The following AP3D1 variants were observed in gnomAD, a reference collection of about 807,000 sequenced individuals.
AP3D1 encodes the protein AP-3 complex subunit delta-1.
Under a neutral mutation model 147.6 loss-of-function variants are expected in AP3D1, and 51 were observed. That is an observed-to-expected ratio of 0.35 (90% confidence interval 0.28 to 0.44). The LOEUF is 0.44. AP3D1 is among the 20% of genes least tolerant of loss of function. The probability of loss-of-function intolerance (pLI) is 1.00; values close to 1 mark genes in which losing one functional copy is unlikely to be tolerated. For missense variants in AP3D1, 1,421 were observed against 1,624.2 expected (o/e 0.87, Z 2.15); for synonymous variants, 760 against 663.0 (o/e 1.15, Z -2.25).
At position 2,102,055 on chromosome 19, in the gene AP3D1, G is replaced by A; in HGVS notation, c.*118C>T. ...ATGTCTACACGGCGGACAACATAGAGTTAAATTAACACTCAGGCTTGGGTA... is the reference window on the plus strand; with the variant it reads ...ATGTCTACACGGCGGACAACATAGAATTAAATTAACACTCAGGCTTGGGTA... On this transcript the variant is annotated 3_prime_UTR_variant, in exon 32 of 32. Coordinates refer to ENST00000643116, the MANE Select transcript of AP3D1 (RefSeq NM_001261826.3). The A allele has an allele frequency of 1.3e-6, 1 of 752,746 alleles. No homozygotes were observed. Among genetic ancestry groups the A allele is most frequent in the South Asian group, 1.7e-5 (1 of 60,244 alleles). 46.6% of individuals were successfully genotyped at this position (752,746 alleles called of 1,614,324 possible). A position where few individuals can be genotyped will look rare whatever the true frequency, so the allele number is the denominator to read the frequency against.
At chr19:2,129,528 C>A in intron 6 of AP3D1, 71 bp from the exon 7 acceptor site, 5 of 1,535,770 alleles carry the variant, frequency 3.3e-6, no homozygotes, top group South Asian at 1.3e-5. Context: ...GTCTTCCTGG[C>A]CCGCGAGGAA....
intron 14 of AP3D1, among the ~76,000 whole-genome samples, chr19:2,119,855 T>A (rs2018562022): frequency 6.6e-6 from 1 of 151,572 alleles, no homozygotes; most frequent in Admixed American, 6.6e-5. Flanking sequence ...AGCAGGACAA[T>A]CACTTGAACC....
At position 2,102,725 on chromosome 19, in the gene AP3D1, CAAAA is replaced by C. The variant is rs927101273; in HGVS notation, c.3553-461_3553-458del. Among the ~76,000 whole-genome samples, 293 of 114,350 alleles carry C rather than the reference CAAAA, an allele frequency of 2.6e-3. 3 individuals are homozygous for C. Among genetic ancestry groups the C allele is most frequent in the African/African-American group, 9.6e-3 (278 of 29,076 alleles). 75.0% of individuals were successfully genotyped at this position (114,350 alleles called of 152,430 possible). A position where few individuals can be genotyped will look rare whatever the true frequency, so the allele number is the denominator to read the frequency against. On this transcript the variant is annotated intron_variant, in intron 31 of 31. Coordinates refer to ENST00000643116, the MANE Select transcript of AP3D1 (RefSeq NM_001261826.3). The stretch of plus-strand genomic sequence containing the variant: ...CCTGGGCGACACAGCGAGACTGTCT[CAAAA>C]AATAAATAAATAAATAAATAAATAA...
At chr19:2,143,271 TGCTCTGTC>T (rs2019270019) in intron 1 of AP3D1, among the ~76,000 whole-genome samples, 1 of 127,878 alleles carries the variant, frequency 7.8e-6, no homozygotes, top group Non-Finnish European at 1.6e-5. Context: ...GACAGAGTCC[TGCTCTGTC>T]GCCCAGGCTG....
chr19:2,110,229 C>A lies in AP3D1; in HGVS notation c.3176-5G>T, dbSNP rs759526338. 14 of 1,610,818 alleles carry A rather than the reference C, an allele frequency of 8.7e-6. No homozygotes were observed. The highest frequency in any genetic ancestry group is 2.1e-4 in the Middle Eastern group (1 of 4,684). On this transcript the variant is annotated splice_polypyrimidine_tract_variant and splice_region_variant and intron_variant, in intron 27 of 31. Transcript: ENST00000643116. The stretch of plus-strand genomic sequence containing the variant: ...ACTGGGCTTCGTTGGAGACGCCTGG[C>A]GGGGGCGAGAGGGAGTGGGGCCTGA...
At chr19:2,134,080 A>C in intron 4 of AP3D1, among the ~76,000 whole-genome samples, 1 of 152,026 alleles carries the variant, frequency 6.6e-6, no homozygotes, top group East Asian at 1.9e-4. Flanking sequence ...AGATGGCGAC[A>C]GAGTGAGACT....
intron 21 of AP3D1, 62 bp downstream of exon 21, chr19:2,114,686 C>T (rs549806345): frequency 1.4e-5 from 20 of 1,443,664 alleles, no homozygotes; most frequent in East Asian, 4.8e-5. Flanking sequence ...GAAGGGAGGA[C>T]GAGAGGAAGG....
At chr19:2,124,235 G>A (rs145816446) in intron 9 of AP3D1, among the ~76,000 whole-genome samples, 11 of 152,348 alleles carry the variant, frequency 7.2e-5, no homozygotes, top group Non-Finnish European at 1.0e-4. Flanking sequence ...GAACCCAGGC[G>A]CTGGGTCTCT....
chr19:2,145,128 T>G (rs1035937923), intron 1 of AP3D1, among the ~76,000 whole-genome samples: 1 of 152,212 alleles, frequency 6.6e-6, no homozygotes, highest in African/African-American at 2.4e-5. Context: ...GGAACCACCT[T>G]GGCTCAGCAG....
At chr19:2,147,126 C>T (rs941470207) in intron 1 of AP3D1, among the ~76,000 whole-genome samples, 1 of 152,158 alleles carries the variant, frequency 6.6e-6, no homozygotes, top group African/African-American at 2.4e-5. Context: ...TGGTGGATCA[C>T]CTGAGGTCGG....
At chr19:2,126,784 T>G (rs946460762) in intron 9 of AP3D1, among the ~76,000 whole-genome samples, 1 of 151,842 alleles carries the variant, frequency 6.6e-6, no homozygotes, top group Non-Finnish European at 1.5e-5. Context: ...CAGTGTACTG[T>G]GAGAGCGGAT....
chr19:2,164,535 C>T (rs886901450), upstream of AP3D1: 1 of 285,678 alleles, frequency 3.5e-6, no homozygotes. Context: ...CCGGGCTGTC[C>T]CGGGCGCGGA....
At position 2,120,920 on chromosome 19, in the gene AP3D1, G is replaced by C. The variant is rs1235448607; in HGVS notation, c.1423C>G (p.Arg475Gly). The change falls in exon 14 of 32, where the codon CGG becomes GGG. Residue 475 changes from arginine to glycine, a missense_variant. This residue lies in a region of AP3D1 where 310 missense variants were observed against 388.1 expected (regional missense o/e 0.80). Coordinates refer to ENST00000643116, the MANE Select transcript of AP3D1 (RefSeq NM_001261826.3). The part of the protein sequence containing the change: ...SAHLLASSTQ[R>G]NGICEVLYAA... ...TACAGCACCTCACAGATCCCGTTCCGCTGGGTGCTGCTGGCCAGCAGGTGT... is the reference window on the plus strand; with the variant it reads ...TACAGCACCTCACAGATCCCGTTCCCCTGGGTGCTGCTGGCCAGCAGGTGT... The C allele has an allele frequency of 1.1e-5, 17 of 1,611,308 alleles. No homozygotes were observed. The highest frequency in any genetic ancestry group is 1.4e-5 in the Non-Finnish European group (17 of 1,180,006).
rs565443482 is a variant in AP3D1, at chr19:2,101,607, G to C, written c.*566C>G. On this transcript the variant is annotated 3_prime_UTR_variant, in exon 32 of 32. Transcript: ENST00000643116. ...CACAGCCTGGCTGGCGCGTGGCCTG[G>C]GATCCCAAGACCCAGTCACCAGCCC... The C allele has an allele frequency of 3.9e-5, 6 of 152,468 alleles. No individual in the cohort carries two copies. The highest frequency in any genetic ancestry group is 1.4e-4 in the African/African-American group (6 of 41,544). The allele number at this position is 152,468 out of a possible 1,614,324, so 9.4% of individuals were successfully genotyped here.
chr19:2,150,122 AGAGGGACATGGGCT>A (rs2144577096), intron 1 of AP3D1, among the ~76,000 whole-genome samples: 1 of 152,350 alleles, frequency 6.6e-6, no homozygotes, highest in Non-Finnish European at 1.5e-5. Context: ...GTTCCCAGAG[AGAGGGACATGGGCT>A]GAGGGACATG....
chr19:2,113,982 C>T lies in AP3D1; in HGVS notation c.2601+143G>A, dbSNP rs112715063. On this transcript the variant is annotated intron_variant, in intron 22 of 31. Coordinates refer to ENST00000643116, the MANE Select transcript of AP3D1 (RefSeq NM_001261826.3). The stretch of plus-strand genomic sequence containing the variant: ...CCTCAGAAGCCACATGTCCTCACTC[C>T]GCCGGGGCACAGGGCGAGGCGGCTG... The T allele has an allele frequency of 3.0e-5, 42 of 1,406,540 alleles. No homozygotes were observed. In the African/African-American group the frequency reaches 3.2e-4, roughly 11 times the overall value. 87.1% of individuals were successfully genotyped at this position (1,406,540 alleles called of 1,614,324 possible).
intron 14 of AP3D1, among the ~76,000 whole-genome samples, chr19:2,119,327 G>C (rs1472470533): frequency 6.6e-6 from 1 of 152,224 alleles, no homozygotes; most frequent in African/African-American, 2.4e-5. Flanking sequence ...GGGAGGCCGA[G>C]GCAGGCAGAT....
chr19:2,143,397 T>C (rs987400685), intron 1 of AP3D1, among the ~76,000 whole-genome samples: 6 of 151,822 alleles, frequency 4.0e-5, no homozygotes, highest in South Asian at 2.1e-4. Context: ...CCCGCGACCA[T>C]GCCTGGCTAA....
At chr19:2,138,780 G>A (rs994372753) in intron 1 of AP3D1, 66 bp from the exon 2 acceptor site, 25 of 1,222,302 alleles carry the variant, frequency 2.0e-5, no homozygotes, top group South Asian at 1.1e-4. Context: ...AATGATTTCG[G>A]GCCAGGCACA....
Sources: allele counts gnomAD v4.1 joint callset (sites outside exome capture counted in the v4.1 genomes callset), GRCh38; gene constraint gnomAD v4.1.1; regional missense constraint gnomAD v4.1.1; transcripts MANE v1.5; gene names NCBI Gene and HGNC (gene_info 2026-07-23, HGNC 2026-07-21).